The following CEP350 variants were observed in gnomAD, a reference collection of about 807,000 sequenced individuals.
The protein encoded by CEP350 is centrosome-associated protein 350.
A neutral mutation model predicts 331.8 loss-of-function variants in CEP350; 126 were observed. The observed-to-expected ratio is 0.38, with a 90% CI of 0.33 to 0.44. The LOEUF (loss-of-function observed/expected upper bound fraction) is 0.44. Ranked by LOEUF, CEP350 falls within the 20% of genes least tolerant of loss-of-function variation. CEP350 has a pLI of 1.00. For missense variants in CEP350, 3,406 were observed against 3,634.6 expected (o/e 0.94, Z 1.62); for synonymous variants, 1,200 against 1,259.5 (o/e 0.95, Z 1.00).
At chr1:179,982,758 G>C (rs1652373143) in intron 1 of CEP350, among the ~76,000 whole-genome samples, 1 of 152,030 alleles carries the variant, frequency 6.6e-6, no homozygotes, top group Non-Finnish European at 1.5e-5. Context: ...TTTTCAGTTG[G>C]CTAGATTAAA....
chr1:180,050,811 A>G (rs1657452179), intron 22 of CEP350, among the ~76,000 whole-genome samples: 1 of 152,210 alleles, frequency 6.6e-6, no homozygotes, highest in African/African-American at 2.4e-5. Flanking sequence ...AGTCTTCAAC[A>G]TCGTATATCA....
intron 29 of CEP350, 140 bp downstream of exon 29, chr1:180,078,814 A>C (rs1659392236): frequency 4.3e-6 from 3 of 700,274 alleles, no homozygotes; most frequent in Admixed American, 6.5e-5. Flanking sequence ...TTTGAATAGA[A>C]ATAAAGCTTT....
Position 180,108,850 on chromosome 1 carries a change from T to G in CEP350, c.9190-2147T>G, listed in dbSNP as rs926199970. On this transcript the variant is annotated intron_variant, in intron 37 of 37. Coordinates refer to ENST00000367607, the MANE Select transcript of CEP350 (RefSeq NM_014810.5). ...TCTCCCAGAGGGAGTTCTCCAAAAC[T>G]TTATTTGGCCATAGAACCCTTTTTG... Among the ~76,000 whole-genome samples the G allele has an allele frequency of 1.3e-4, 20 of 152,188 alleles. 1 individual carries two copies. The highest frequency in any genetic ancestry group is 7.7e-4 in the East Asian group (4 of 5,198).
chr1:180,103,184 T>C (rs1660925304), intron 37 of CEP350, among the ~76,000 whole-genome samples: 1 of 152,204 alleles, frequency 6.6e-6, no homozygotes, highest in African/African-American at 2.4e-5. Context: ...ATTATGCAAA[T>C]AGATTTTCTA....
chr1:180,009,759 G>A (rs905936096), intron 8 of CEP350, among the ~76,000 whole-genome samples: 5 of 152,090 alleles, frequency 3.3e-5, no homozygotes, highest in African/African-American at 9.7e-5. Flanking sequence ...AGCAGTATAC[G>A]TAAAACCCTT....
intron 27 of CEP350, among the ~76,000 whole-genome samples, chr1:180,073,077 A>G (rs758024863): frequency 1.3e-5 from 2 of 152,156 alleles, no homozygotes; most frequent in Admixed American, 1.3e-4. Flanking sequence ...TGAGCTGTCC[A>G]TATCAGGTTT....
At chr1:179,996,474 T>TA in intron 5 of CEP350, 79 bp from the exon 6 acceptor site, 1 of 1,067,172 alleles carries the variant, frequency 9.4e-7, no homozygotes, top group Non-Finnish European at 1.3e-6. Context: ...TGAGAACACT[T>TA]AAAATCTACT....
intron 22 of CEP350, among the ~76,000 whole-genome samples, chr1:180,050,290 A>G (rs1657398989): frequency 6.6e-6 from 1 of 152,188 alleles, no homozygotes; most frequent in South Asian, 2.1e-4. Flanking sequence ...ATGAAAAGCC[A>G]CAGATTGGGA....
intron 3 of CEP350, among the ~76,000 whole-genome samples, chr1:179,989,971 C>T (rs1004470230): frequency 2.0e-5 from 3 of 151,544 alleles, no homozygotes; most frequent in African/African-American, 7.3e-5. Context: ...TGTGGATCAC[C>T]TGGGGTCAGG....
chr1:180,052,846 T>G, intron 22 of CEP350, 124 bp from the exon 23 acceptor site: 1 of 463,030 alleles, frequency 2.2e-6, no homozygotes, highest in South Asian at 5.4e-5. Flanking sequence ...TTCATGTCTA[T>G]TTATTAGTGA....
chr1:179,961,858 CT>C (rs1024775003), intron 1 of CEP350, among the ~76,000 whole-genome samples: 6 of 150,838 alleles, frequency 4.0e-5, no homozygotes, highest in Non-Finnish European at 7.4e-5. Flanking sequence ...CACTTCCCAC[CT>C]TTTTTTTTGA....
chr1:179,962,317 CATG>C, intron 1 of CEP350, among the ~76,000 whole-genome samples: 1 of 152,278 alleles, frequency 6.6e-6, no homozygotes, highest in African/African-American at 2.4e-5. Flanking sequence ...CTCCAAAGGA[CATG>C]ATTTCATTCA....
In CEP350 at chr1:180,053,102, G is replaced by A; in HGVS notation, c.4925G>A (p.Arg1642Lys). The change falls in exon 23 of 38, where the codon AGA becomes AAA. Residue 1642 changes from arginine (R) to lysine (K), a missense_variant. Transcript: ENST00000367607. ...CGCAGATTTAACATGGAAAAGAGAA[G>A]AGGTCATCATGATGACTCTGATGAA... ...SHRRFNMEKR[R>K]GHHDDSDEEA... 1 of 1,609,176 alleles carries A rather than the reference G, an allele frequency of 6.2e-7. No homozygotes were observed. Among genetic ancestry groups the A allele is most frequent in the Non-Finnish European group, 8.5e-7 (1 of 1,177,034 alleles).
intron 1 of CEP350, among the ~76,000 whole-genome samples, chr1:179,958,910 G>A (rs1488823232): frequency 3.9e-5 from 6 of 152,008 alleles, no homozygotes; most frequent in Non-Finnish European, 8.8e-5. Context: ...AATAGAAAAA[G>A]GTCTATAAGG....
At chr1:179,984,820 TTTTA>T (rs1482052274) in intron 1 of CEP350, among the ~76,000 whole-genome samples, 2 of 152,152 alleles carry the variant, frequency 1.3e-5, no homozygotes, top group African/African-American at 4.8e-5. Context: ...AGTAATGAGT[TTTTA>T]TTCTTATATT....
chr1:180,093,012 C>T lies in CEP350; in HGVS notation c.6907C>T (p.Leu2303Phe). The T allele has an allele frequency of 1.2e-6, 2 of 1,604,796 alleles. No homozygotes were observed. Among genetic ancestry groups the T allele is most frequent in the East Asian group, 2.2e-5 (1 of 44,796 alleles). ...ATCTGAAATTCTTTCAAAGAAAGAT[C>T]TTCCTTTAGATTCTGAAAATGTTCA... ...DSSEILSKKD[L>F]PLDSENVQKD... The change falls in exon 34 of 38, where the codon CTT becomes TTT. Residue 2303 changes from leucine (L) to phenylalanine (F), a missense_variant. By Grantham distance (22) the Leu-to-Phe change is conservative (BLOSUM62 0). Transcript: ENST00000367607.
At chr1:179,969,663 A>G (rs2762859) in intron 1 of CEP350, among the ~76,000 whole-genome samples, 86,373 of 151,954 alleles carry the variant, frequency 0.57, 26,390 homozygotes, top group East Asian at 0.71. Context: ...AAAAGAATTC[A>G]GAAACAGAAG....
chr1:180,095,813 T>C lies in CEP350; in HGVS notation c.8802T>C (p.Leu2934=). The C allele has an allele frequency of 6.2e-7, 1 of 1,613,884 alleles. No homozygotes were observed. The change falls in exon 35 of 38, where the codon CTT becomes CTC. Residue 2934 remains leucine (L), a synonymous_variant. Transcript: ENST00000367607. ...EILVHNAAEE[L]WKWKELGHDL... Reference sequence around the variant, plus strand: ...TTGTACATAATGCAGCAGAAGAACTTTGGAAATGGAAAGAATTAGGCCACG... The same window carrying C: ...TTGTACATAATGCAGCAGAAGAACTCTGGAAATGGAAAGAATTAGGCCACG...
At chr1:179,978,221 A>G (rs1393035098) in intron 1 of CEP350, among the ~76,000 whole-genome samples, 2 of 152,138 alleles carry the variant, frequency 1.3e-5, no homozygotes, top group African/African-American at 4.8e-5. Flanking sequence ...TTATTACTAT[A>G]TAACAGAATG....
Sources: allele counts gnomAD v4.1 joint callset (sites outside exome capture counted in the v4.1 genomes callset), GRCh38; gene constraint gnomAD v4.1.1; transcripts MANE v1.5; gene names NCBI Gene and HGNC (gene_info 2026-07-23, HGNC 2026-07-21).